Variants in NLGN1 observed in about 807,000 individuals in gnomAD.
NLGN1 encodes neuroligin-1.
In NLGN1, 12 loss-of-function variants were observed where a neutral mutation model predicts 65.5. The ratio of observed to expected loss-of-function variants is 0.18; its 90% CI spans 0.12 to 0.30. NLGN1 has a LOEUF of 0.30. Among genes scored for constraint, NLGN1 ranks in the 10% least tolerant of loss-of-function variants. The probability of loss-of-function intolerance (pLI) is 1.00; values close to 1 mark genes in which losing one functional copy is unlikely to be tolerated. For synonymous variants in NLGN1, 350 were observed against 359.5 expected (o/e 0.97, Z 0.30); for missense variants, 750 against 1,007.1 (o/e 0.74, Z 3.46).
chr3:173,613,877 T>G (rs1425920275), intron 3 of NLGN1, among the ~76,000 whole-genome samples: 2 of 152,026 alleles, frequency 1.3e-5, no homozygotes, highest in Non-Finnish European at 2.9e-5. Flanking sequence ...ACCATAATTA[T>G]CATTTTTAAA....
intron 4 of NLGN1, among the ~76,000 whole-genome samples, chr3:174,158,382 C>A (rs1322836566): frequency 6.6e-6 from 1 of 151,592 alleles, no homozygotes; most frequent in Admixed American, 6.6e-5. Context: ...TAAGTAGAAA[C>A]CAAACCCCAA....
intron 4 of NLGN1, among the ~76,000 whole-genome samples, chr3:174,152,172 A>G (rs977969598): frequency 2.0e-5 from 3 of 152,162 alleles, no homozygotes; most frequent in Non-Finnish European, 4.4e-5. Flanking sequence ...GAAGAGAAGT[A>G]GAGCTAAACT....
At chr3:173,520,417 A>G (rs1165172073) in intron 2 of NLGN1, among the ~76,000 whole-genome samples, 1 of 152,226 alleles carries the variant, frequency 6.6e-6, no homozygotes, top group African/African-American at 2.4e-5. Flanking sequence ...ACTGAAATAA[A>G]AGGAGTGATA....
chr3:174,129,138 C>G (rs1217925688), intron 4 of NLGN1, among the ~76,000 whole-genome samples: 1 of 152,058 alleles, frequency 6.6e-6, no homozygotes, highest in Non-Finnish European at 1.5e-5. Flanking sequence ...TCTTGCCACT[C>G]CTTACCAAAC....
intron 4 of NLGN1, among the ~76,000 whole-genome samples, chr3:173,843,752 A>C (rs1725238125): frequency 6.6e-6 from 1 of 152,184 alleles, no homozygotes; most frequent in Non-Finnish European, 1.5e-5. Context: ...GTCTCTAGGA[A>C]GTTCCAAACT....
At chr3:173,407,959 A>T (rs1490929740) in intron 1 of NLGN1, among the ~76,000 whole-genome samples, 1 of 152,232 alleles carries the variant, frequency 6.6e-6, no homozygotes, top group African/African-American at 2.4e-5. Flanking sequence ...TAAATTATTT[A>T]AAATGGAATG....
At chr3:173,854,535 C>G (rs975420028) in intron 4 of NLGN1, among the ~76,000 whole-genome samples, 1 of 151,948 alleles carries the variant, frequency 6.6e-6, no homozygotes, top group Admixed American at 6.6e-5. Flanking sequence ...TTCTTATCTA[C>G]AAGATAATGA....
At chr3:173,820,308 C>G (rs1348087412) in intron 4 of NLGN1, among the ~76,000 whole-genome samples, 7 of 118,490 alleles carry the variant, frequency 5.9e-5, no homozygotes, top group African/African-American at 2.3e-4. Context: ...ATGAAAGCTG[C>G]AATTTATTTT....
chr3:173,596,399 T>C (rs1412840733), intron 2 of NLGN1, among the ~76,000 whole-genome samples: 2 of 152,252 alleles, frequency 1.3e-5, no homozygotes, highest in Admixed American at 6.5e-5. Flanking sequence ...GTGTTAATTC[T>C]TCTGCCTTAT....
At chr3:174,275,430 A>G (rs1750363041) in exon 5 of NLGN1, 17 of 1,612,728 alleles carry the variant, frequency 1.1e-5, no homozygotes, top group Non-Finnish European at 1.4e-5. Context: ...ACCCCTTAAG[A>G]ATCACTGTTT....
chr3:173,546,924 T>C (rs1247602676), intron 2 of NLGN1, among the ~76,000 whole-genome samples: 1 of 152,188 alleles, frequency 6.6e-6, no homozygotes, highest in African/African-American at 2.4e-5. Flanking sequence ...TATGTGCATA[T>C]GCATAAAAAA....
At chr3:174,033,369 C>A (rs1211026078) in intron 4 of NLGN1, among the ~76,000 whole-genome samples, 1 of 152,134 alleles carries the variant, frequency 6.6e-6, no homozygotes. Context: ...TATTAAGGAT[C>A]ATTTATTCAG....
At chr3:173,608,149 A>T (rs1049747878) in intron 3 of NLGN1, among the ~76,000 whole-genome samples, 4 of 151,936 alleles carry the variant, frequency 2.6e-5, no homozygotes, top group African/African-American at 9.7e-5. Flanking sequence ...ATGTTGTTCT[A>T]TAATTTTTAA....
chr3:173,525,766 G>A (rs1474396086), intron 2 of NLGN1, among the ~76,000 whole-genome samples: 1 of 151,940 alleles, frequency 6.6e-6, no homozygotes, highest in African/African-American at 2.4e-5. Context: ...CACTGCTTTT[G>A]CTGTATCCCA....
chr3:173,795,887 C>T (rs1171213685), intron 3 of NLGN1, among the ~76,000 whole-genome samples: 4 of 152,036 alleles, frequency 2.6e-5, no homozygotes, highest in Non-Finnish European at 4.4e-5. Flanking sequence ...GGATGCTTTA[C>T]AATCAGTTTA....
intron 4 of NLGN1, among the ~76,000 whole-genome samples, chr3:173,808,381 A>G (rs1216971252): frequency 6.6e-6 from 1 of 152,150 alleles, no homozygotes. Flanking sequence ...TAAAGTAACA[A>G]AGAATTCAGT....
At chr3:173,987,197 T>C (rs1482097511) in intron 4 of NLGN1, among the ~76,000 whole-genome samples, 2 of 152,152 alleles carry the variant, frequency 1.3e-5, no homozygotes, top group Admixed American at 1.3e-4. Context: ...TGAAGACCAG[T>C]CTAATGCAAT....
intron 4 of NLGN1, among the ~76,000 whole-genome samples, chr3:174,236,400 T>A (rs1305615976): frequency 6.6e-6 from 1 of 152,086 alleles, no homozygotes; most frequent in Non-Finnish European, 1.5e-5. Context: ...TTATTATTAA[T>A]ATTTAAAATT....
chr3:173,863,673 C>T (rs1440267923), intron 4 of NLGN1, among the ~76,000 whole-genome samples: 2 of 152,140 alleles, frequency 1.3e-5, no homozygotes, highest in Non-Finnish European at 2.9e-5. Context: ...TATTTCCCTT[C>T]AGGGTTTGGA....
Sources: gnomAD v4.1 joint callset for allele counts (sites outside exome capture counted in the v4.1 genomes callset) on GRCh38, gnomAD v4.1.1 for gene constraint, MANE v1.5 for transcripts, NCBI Gene and HGNC (gene_info 2026-07-23, HGNC 2026-07-21) for gene names.